Variants in RHOH observed in about 807,000 individuals in gnomAD.
RHOH encodes rho-related GTP-binding protein RhoH.
Under a neutral mutation model 13.8 loss-of-function variants are expected in RHOH, and 6 were observed. The observed-to-expected ratio is 0.44, with a 90% confidence interval of 0.24 to 0.86. The LOEUF is 0.86. Among genes scored for constraint, RHOH ranks in the 40% least tolerant of loss-of-function variants. RHOH has a pLI of 0.24. For missense variants in RHOH, 147 were observed against 244.5 expected, an observed-to-expected ratio of 0.60 and a Z score of 2.66; for synonymous variants, 117 against 103.0, an observed-to-expected ratio of 1.14 and a Z score of -0.82.
At chr4:40,209,321 A>G (rs1296643660) in intron 1 of RHOH, 1 of 152,234 alleles carries the variant, frequency 6.6e-6, no homozygotes, top group East Asian at 1.9e-4. Flanking sequence ...TTCTGTTTTT[A>G]AAATATGAGA....
rs140870367 is a variant in RHOH at position 40,223,629 on chromosome 4, T to C, written c.-330-19085T>C. On this transcript the variant is annotated intron_variant, in intron 1 of 2. Coordinates refer to ENST00000381799, the MANE Select transcript of RHOH (RefSeq NM_004310.5). ...ACAAGTGTGCATTACCATACCTGGC[T>C]AATTAAAAAAAAATTTTTATCTAGA... 2.0e-5 allele frequency among the ~76,000 whole-genome samples: 3 copies of C among 152,016 alleles called. No individual in the cohort carries two copies. In the East Asian group the frequency reaches 5.8e-4, roughly 29 times the overall value.
chr4:40,240,158 A>T (rs1008057227), intron 1 of RHOH: 3 of 152,222 alleles, frequency 2.0e-5, no homozygotes, highest in African/African-American at 7.2e-5. Flanking sequence ...GCTTTAGCTC[A>T]GTCAGTTTAT....
chr4:40,213,587 A>G (rs1725540842), intron 1 of RHOH, among the ~76,000 whole-genome samples: 1 of 152,138 alleles, frequency 6.6e-6, no homozygotes, highest in South Asian at 2.1e-4. Context: ...ATGTGAGGGC[A>G]TAGTTCCTAG....
chr4:40,230,685 T>C (rs1160787103), intron 1 of RHOH, among the ~76,000 whole-genome samples: 1 of 151,958 alleles, frequency 6.6e-6, no homozygotes, highest in African/African-American at 2.4e-5. Flanking sequence ...AAAACTCTTA[T>C]GAGTAAGAAG....
intron 1 of RHOH, among the ~76,000 whole-genome samples, chr4:40,238,378 C>G (rs978234205): frequency 6.6e-6 from 1 of 152,154 alleles, no homozygotes; most frequent in Non-Finnish European, 1.5e-5. Flanking sequence ...TTAGCATGGC[C>G]GTTAGAATTG....
rs764764039 is a variant in RHOH at position 40,244,010 on chromosome 4, A to C, written c.*48A>C. 15 of 1,450,072 alleles carry C rather than the reference A, an allele frequency of 1.0e-5. No homozygotes were observed. The highest frequency in any genetic ancestry group is 6.5e-5 in the South Asian group (5 of 76,672). The allele number at this position is 1,450,072 out of a possible 1,614,324, so 89.8% of individuals were successfully genotyped here. On this transcript the variant is annotated 3_prime_UTR_variant, in exon 3 of 3. Transcript: ENST00000381799. ...ACTTATGTATGCACCCCAAAGACTA[A>C]TGGGGAGAGGGAGGGCCGGGAAGCC...
intron 1 of RHOH, among the ~76,000 whole-genome samples, chr4:40,217,701 G>A (rs1167964321): frequency 6.6e-6 from 1 of 152,148 alleles, no homozygotes; most frequent in African/African-American, 2.4e-5. Flanking sequence ...ATTTTGTGTG[G>A]CAGCTTGACT....
At chr4:40,214,318 C>T (rs556167192) in intron 1 of RHOH, among the ~76,000 whole-genome samples, 1 of 152,214 alleles carries the variant, frequency 6.6e-6, no homozygotes, top group Non-Finnish European at 1.5e-5. Flanking sequence ...GGATTACCCT[C>T]TGGTACATTT....
chr4:40,238,494 G>C (rs1166674259), intron 1 of RHOH, among the ~76,000 whole-genome samples: 1 of 152,158 alleles, frequency 6.6e-6, no homozygotes, highest in Non-Finnish European at 1.5e-5. Context: ...TGTCTATCTT[G>C]GTCTCTTTGC....
At chr4:40,205,124 T>C (rs1483134001) in intron 1 of RHOH, among the ~76,000 whole-genome samples, 4 of 152,142 alleles carry the variant, frequency 2.6e-5, no homozygotes, top group African/African-American at 9.7e-5. Flanking sequence ...TAGCTGGGCG[T>C]GGTGGCACAT....
intron 1 of RHOH, among the ~76,000 whole-genome samples, chr4:40,239,344 A>G (rs957472723): frequency 2.0e-5 from 3 of 152,148 alleles, no homozygotes; most frequent in Non-Finnish European, 4.4e-5. Context: ...CTAGGTAGCA[A>G]AGCTTAGACA....
intron 1 of RHOH, among the ~76,000 whole-genome samples, chr4:40,202,796 C>T (rs1034442188): frequency 1.4e-4 from 22 of 151,882 alleles, no homozygotes; most frequent in African/African-American, 5.1e-4. Flanking sequence ...GAGAGACAGG[C>T]GAGAGAAGGT....
At position 40,197,263 on chromosome 4, in the gene RHOH, T is replaced by C. The variant is rs1723256037; in HGVS notation, c.-368T>C. 1 of 152,264 alleles carries C rather than the reference T, an allele frequency of 6.6e-6. No homozygotes were observed. The highest frequency in any genetic ancestry group is 2.4e-5 in the African/African-American group (1 of 41,462). 9.4% of individuals were successfully genotyped at this position (152,264 alleles called of 1,614,324 possible). A position where few individuals can be genotyped will look rare whatever the true frequency, so the allele number is the denominator to read the frequency against. On this transcript the variant is annotated 5_prime_UTR_variant, in exon 1 of 3. Transcript: ENST00000381799. Reference sequence around the variant, plus strand: ...CAAATTTGATTTCCGGAGTCAGTCATTTTACTGTCAAGACATTTCTTCGGC... The same window carrying C: ...CAAATTTGATTTCCGGAGTCAGTCACTTTACTGTCAAGACATTTCTTCGGC...
upstream of RHOH, among the ~76,000 whole-genome samples, chr4:40,194,041 T>C (rs1722885505): frequency 6.6e-6 from 1 of 152,176 alleles, no homozygotes; most frequent in South Asian, 2.1e-4. Flanking sequence ...CAGGCAGCTG[T>C]CCTTGTCTGA....
In RHOH at chr4:40,203,776, C is replaced by T. The variant is rs1724315989; in HGVS notation, c.-331+6476C>T. ...TCTTCCACAGTTAAACAATTTTGTCCAGCACTTGAACCAATTAAAAGTAGC... is the reference window on the plus strand; with the variant it reads ...TCTTCCACAGTTAAACAATTTTGTCTAGCACTTGAACCAATTAAAAGTAGC... On this transcript the variant is annotated intron_variant, in intron 1 of 2. Coordinates refer to ENST00000381799, the MANE Select transcript of RHOH (RefSeq NM_004310.5). Among the ~76,000 whole-genome samples, 8 of 152,000 alleles carry T rather than the reference C, an allele frequency of 5.3e-5. No individual in the cohort carries two copies. In the South Asian group the frequency reaches 1.7e-3, roughly 32 times the overall value.
intron 1 of RHOH, among the ~76,000 whole-genome samples, chr4:40,214,200 C>T (rs1241870851): frequency 6.6e-5 from 10 of 152,014 alleles, no homozygotes; most frequent in Middle Eastern, 3.2e-3. Context: ...GAAGGCGGGG[C>T]GGAAGGAAGC....
upstream of RHOH, among the ~76,000 whole-genome samples, chr4:40,193,329 A>C (rs375490999): frequency 1.3e-5 from 2 of 152,124 alleles, no homozygotes; most frequent in East Asian, 3.9e-4. Context: ...TCCCAACCCC[A>C]TCCCAAGGAC....
intron 1 of RHOH, among the ~76,000 whole-genome samples, chr4:40,234,506 A>C (rs1377624802): frequency 6.6e-6 from 1 of 152,020 alleles, no homozygotes; most frequent in Non-Finnish European, 1.5e-5. Context: ...GAGTTGCTGG[A>C]CCAGAGGAGG....
upstream of RHOH, among the ~76,000 whole-genome samples, chr4:40,196,412 T>G (rs1723137804): frequency 6.6e-6 from 1 of 152,270 alleles, no homozygotes; most frequent in African/African-American, 2.4e-5. Context: ...TAAACTTGTG[T>G]TTTTAGGCAA....
Sources: gnomAD v4.1 joint callset for allele counts (sites outside exome capture counted in the v4.1 genomes callset) on GRCh38, gnomAD v4.1.1 for gene constraint, MANE v1.5 for transcripts, NCBI Gene and HGNC (gene_info 2026-07-23, HGNC 2026-07-21) for gene names.